Variants in NKAIN2 observed in about 807,000 individuals in gnomAD.
NKAIN2 encodes sodium/potassium transporting ATPase interacting 2.
A neutral mutation model predicts 32.6 loss-of-function variants in NKAIN2; 14 were observed. The ratio of observed to expected loss-of-function variants is 0.43; its 90% CI spans 0.28 to 0.67. The LOEUF (loss-of-function observed/expected upper bound fraction) is 0.67. NKAIN2 is among the 30% of genes least tolerant of loss of function. The pLI is 0.17. For missense variants in NKAIN2, 198 were observed against 258.3 expected (o/e 0.77, Z 1.60); for synonymous variants, 80 against 87.2 (o/e 0.92, Z 0.46).
intron 4 of NKAIN2, among the ~76,000 whole-genome samples, chr6:124,757,260 C>T (rs1034801054): frequency 1.3e-5 from 2 of 152,024 alleles, no homozygotes; most frequent in South Asian, 2.1e-4. Context: ...ACATTTTTTC[C>T]CACATTTCCT....
chr6:124,358,578 T>A (rs1245647416), intron 3 of NKAIN2, among the ~76,000 whole-genome samples: 1 of 152,254 alleles, frequency 6.6e-6, no homozygotes, highest in Non-Finnish European at 1.5e-5. Flanking sequence ...TGTCTTCTTT[T>A]GAGAAGTGTC....
chr6:124,052,655 G>A (rs1422621043), intron 1 of NKAIN2, among the ~76,000 whole-genome samples: 1 of 152,014 alleles, frequency 6.6e-6, no homozygotes, highest in African/African-American at 2.4e-5. Context: ...AAAAGAATAA[G>A]GTGTTTGTAT....
intron 3 of NKAIN2, among the ~76,000 whole-genome samples, chr6:124,602,545 G>T (rs1220183131): frequency 1.3e-5 from 2 of 151,728 alleles, no homozygotes; most frequent in Non-Finnish European, 2.9e-5. Flanking sequence ...AATTGTGGAT[G>T]GGGGGACAAA....
chr6:123,975,862 T>C lies in NKAIN2; in HGVS notation c.54+171608T>C, dbSNP rs915567644. On this transcript the variant is annotated intron_variant, in intron 1 of 6. Coordinates refer to ENST00000368417, the MANE Select transcript of NKAIN2 (RefSeq NM_001040214.3). ...TATTTTGGTGGGGACATGATATGGTTAGGCTGTATCCCCACCCAAATCTCA... is the reference window on the plus strand; with the variant it reads ...TATTTTGGTGGGGACATGATATGGTCAGGCTGTATCCCCACCCAAATCTCA... Among the ~76,000 whole-genome samples, 4 of 152,076 alleles carry C rather than the reference T, an allele frequency of 2.6e-5. No individual in the cohort carries two copies. The South Asian group carries it at 6.2e-4, about 24-fold the overall frequency.
At chr6:124,287,960 C>G (rs201221928) in intron 2 of NKAIN2, among the ~76,000 whole-genome samples, 3 of 151,670 alleles carry the variant, frequency 2.0e-5, no homozygotes, top group Non-Finnish European at 4.4e-5. Context: ...TTTCTCCCCC[C>G]CTCTCCCTTT....
chr6:124,788,807 A>G (rs1779620070), intron 4 of NKAIN2, among the ~76,000 whole-genome samples: 1 of 152,076 alleles, frequency 6.6e-6, no homozygotes, highest in African/African-American at 2.4e-5. Flanking sequence ...GTGGGAAATA[A>G]TCTGAAACCC....
intron 2 of NKAIN2, among the ~76,000 whole-genome samples, chr6:124,287,689 A>G (rs948403156): frequency 4.6e-5 from 7 of 152,216 alleles, no homozygotes; most frequent in African/African-American, 1.4e-4. Flanking sequence ...AATGGCTCCC[A>G]GGAAAGCATT....
At chr6:124,311,194 C>T (rs1796696535) in intron 2 of NKAIN2, among the ~76,000 whole-genome samples, 1 of 152,036 alleles carries the variant, frequency 6.6e-6, no homozygotes, top group Non-Finnish European at 1.5e-5. Context: ...CACTGTGACC[C>T]CCATCCTCAG....
intron 1 of NKAIN2, among the ~76,000 whole-genome samples, chr6:123,976,438 T>C (rs1455482367): frequency 1.6e-5 from 2 of 123,514 alleles, no homozygotes; most frequent in African/African-American, 5.9e-5. Flanking sequence ...GAGAAAGAAG[T>C]ATAGTACTGG....
chr6:124,498,244 G>A (rs1778144990), intron 3 of NKAIN2, among the ~76,000 whole-genome samples: 1 of 152,148 alleles, frequency 6.6e-6, no homozygotes, highest in Admixed American at 6.6e-5. Flanking sequence ...ATTGGCAGGG[G>A]GCACTCATGA....
At chr6:124,687,216 A>C (rs1297913797) in intron 4 of NKAIN2, among the ~76,000 whole-genome samples, 1 of 146,554 alleles carries the variant, frequency 6.8e-6, no homozygotes, top group Middle Eastern at 3.5e-3. Context: ...ATATGTGTAT[A>C]TATGTGGAAT....
chr6:124,406,726 T>C (rs2114477240), intron 3 of NKAIN2, among the ~76,000 whole-genome samples: 1 of 152,272 alleles, frequency 6.6e-6, no homozygotes, highest in Admixed American at 6.5e-5. Flanking sequence ...AGATTTTCTC[T>C]GCATCATTGA....
chr6:124,498,942 G>GT (rs1050085564), intron 3 of NKAIN2, among the ~76,000 whole-genome samples: 9 of 151,928 alleles, frequency 5.9e-5, no homozygotes, highest in Admixed American at 5.3e-4. Context: ...GTTTTGTTTT[G>GT]TTTTTTGTAG....
chr6:124,041,039 A>G (rs183134393), intron 1 of NKAIN2, among the ~76,000 whole-genome samples: 1 of 152,004 alleles, frequency 6.6e-6, no homozygotes, highest in Non-Finnish European at 1.5e-5. Context: ...ATTTATTTGT[A>G]TAGTTCAGAA....
chr6:124,779,078 A>T (rs1779118526), intron 4 of NKAIN2, among the ~76,000 whole-genome samples: 1 of 151,922 alleles, frequency 6.6e-6, no homozygotes, highest in South Asian at 2.1e-4. Flanking sequence ...TCTACTAAAA[A>T]ATTATACAAA....
chr6:124,729,166 C>A (rs1776511550), intron 4 of NKAIN2, among the ~76,000 whole-genome samples: 1 of 152,138 alleles, frequency 6.6e-6, no homozygotes, highest in South Asian at 2.1e-4. Flanking sequence ...TGAAACTATT[C>A]CAATCAATAG....
At chr6:124,574,161 G>A (rs1001229956) in intron 3 of NKAIN2, among the ~76,000 whole-genome samples, 1 of 152,176 alleles carries the variant, frequency 6.6e-6, no homozygotes, top group African/African-American at 2.4e-5. Flanking sequence ...TTTCTATCTG[G>A]AGAGCCCTTT....
At chr6:124,729,151 C>A (rs1398906637) in intron 4 of NKAIN2, among the ~76,000 whole-genome samples, 1 of 152,168 alleles carries the variant, frequency 6.6e-6, no homozygotes, top group Non-Finnish European at 1.5e-5. Flanking sequence ...TGGTACCATT[C>A]CTTCTGAAAC....
chr6:124,112,285 GTCTT>G (rs1300332940), intron 1 of NKAIN2, among the ~76,000 whole-genome samples: 1 of 152,128 alleles, frequency 6.6e-6, no homozygotes, highest in Non-Finnish European at 1.5e-5. Context: ...GTTTGGAAAA[GTCTT>G]TATCTCTCTT....
Sources: allele counts gnomAD v4.1 joint callset (sites outside exome capture counted in the v4.1 genomes callset), GRCh38; gene constraint gnomAD v4.1.1; transcripts MANE v1.5; gene names NCBI Gene and HGNC (gene_info 2026-07-23, HGNC 2026-07-21).